Variants in CRYBG1 observed in about 807,000 individuals in gnomAD.
CRYBG1 encodes the protein crystallin beta-gamma domain containing 1.
In CRYBG1, 139 loss-of-function variants were observed where a neutral mutation model predicts 189.2. The observed-to-expected ratio is 0.73, with a 90% CI of 0.64 to 0.85. CRYBG1 has a LOEUF of 0.85. Among genes scored for constraint, CRYBG1 ranks in the 40% least tolerant of loss-of-function variants. The pLI, the probability that CRYBG1 is intolerant of heterozygous loss-of-function variation, is 0.00. For missense variants in CRYBG1, 2,611 were observed against 2,675.8 expected (o/e 0.98, Z 0.53); for synonymous variants, 1,023 against 1,017.1 (o/e 1.01, Z -0.11).
chr6:106,496,521 T>A (rs1346284880), intron 2 of CRYBG1, among the ~76,000 whole-genome samples: 1 of 145,250 alleles, frequency 6.9e-6, no homozygotes, highest in African/African-American at 2.5e-5. Context: ...ATTTTTTTTT[T>A]TAATCTAGGT....
chr6:106,452,025 C>T (rs1771791064), intron 2 of CRYBG1, among the ~76,000 whole-genome samples, 193 bp downstream of exon 2: 1 of 147,074 alleles, frequency 6.8e-6, no homozygotes, highest in Admixed American at 6.8e-5. Context: ...TTATATTTAA[C>T]AATATAATAA....
At chr6:106,407,960 A>T (rs1425174487) in intron 1 of CRYBG1, among the ~76,000 whole-genome samples, 1 of 152,222 alleles carries the variant, frequency 6.6e-6, no homozygotes, top group East Asian at 1.9e-4. Context: ...CACAATTAAA[A>T]GAACCAGAAA....
chr6:106,445,210 T>A (rs910404106), intron 1 of CRYBG1, among the ~76,000 whole-genome samples: 4 of 152,240 alleles, frequency 2.6e-5, no homozygotes, highest in African/African-American at 9.7e-5. Flanking sequence ...TGCTTTGTAT[T>A]TTAAAAACTC....
intron 9 of CRYBG1, among the ~76,000 whole-genome samples, chr6:106,540,697 T>G (rs1416686575): frequency 6.6e-6 from 1 of 152,122 alleles, no homozygotes; most frequent in Non-Finnish European, 1.5e-5. Context: ...TTCCTTTTTT[T>G]TTTTGCTTGT....
intron 18 of CRYBG1, among the ~76,000 whole-genome samples, chr6:106,558,826 C>T (rs903070524): frequency 5.9e-5 from 9 of 152,012 alleles, no homozygotes; most frequent in Non-Finnish European, 1.0e-4. Context: ...AGCCAGGTGT[C>T]GTGGCACATG....
intron 2 of CRYBG1, among the ~76,000 whole-genome samples, chr6:106,482,711 G>A (rs2114482244): frequency 6.6e-6 from 1 of 152,226 alleles, no homozygotes; most frequent in East Asian, 1.9e-4. Context: ...GGAGACAGAG[G>A]TTGCAGTGAG....
intron 1 of CRYBG1, among the ~76,000 whole-genome samples, chr6:106,439,586 G>C (rs2114418950): frequency 6.6e-6 from 1 of 152,244 alleles, no homozygotes; most frequent in East Asian, 1.9e-4. Flanking sequence ...TCTACCTGAT[G>C]AGATAACACT....
At chr6:106,511,385 C>A in intron 2 of CRYBG1, 45 bp from the exon 3 acceptor site, 12 of 1,459,222 alleles carry the variant, frequency 8.2e-6, no homozygotes, top group Non-Finnish European at 1.1e-5. Flanking sequence ...AGGGGAAAAA[C>A]ACCAGATTCT....
At chr6:106,388,571 A>C (rs1770436230) in intron 1 of CRYBG1, among the ~76,000 whole-genome samples, 1 of 152,250 alleles carries the variant, frequency 6.6e-6, no homozygotes, top group Non-Finnish European at 1.5e-5. Context: ...CATTTTAAGC[A>C]GGAGCCTCTT....
rs1205512942 is a variant in CRYBG1, at chr6:106,527,298, T to C, written c.4413-7T>C. On this transcript the variant is annotated splice_region_variant and splice_polypyrimidine_tract_variant and intron_variant, in intron 6 of 21. Transcript: ENST00000633556. Reference sequence around the variant, plus strand: ...TGACTAATGGTTTTGCTGTGTTTTATTGTTAGTTGGATTTTGTATGAGCAA... The same window carrying C: ...TGACTAATGGTTTTGCTGTGTTTTACTGTTAGTTGGATTTTGTATGAGCAA... 1 of 1,609,166 alleles carries C rather than the reference T, an allele frequency of 6.2e-7. No homozygotes were observed. Among genetic ancestry groups the C allele is most frequent in the African/African-American group, 1.3e-5 (1 of 74,790 alleles).
At chr6:106,446,367 G>A (rs981339421) in intron 1 of CRYBG1, among the ~76,000 whole-genome samples, 1 of 152,150 alleles carries the variant, frequency 6.6e-6, no homozygotes, top group African/African-American at 2.4e-5. Context: ...AGGTTCCCTT[G>A]AGGAAATAAT....
chr6:106,484,354 C>T lies in CRYBG1; in HGVS notation c.313-27076C>T, dbSNP rs538145793. On this transcript the variant is annotated intron_variant, in intron 2 of 21. Transcript: ENST00000633556. The stretch of plus-strand genomic sequence containing the variant: ...TGCCACCCAGGCTAGAGTGCAGTAG[C>T]GTGATCATAGCTCCCTGTAGCCTCA... Among the ~76,000 whole-genome samples, 5 of 152,246 alleles carry T rather than the reference C, an allele frequency of 3.3e-5. No homozygotes were observed. The East Asian group carries it at 5.8e-4, about 18-fold the overall frequency.
At chr6:106,472,909 T>TAAA (rs34714366) in intron 2 of CRYBG1, among the ~76,000 whole-genome samples, 17,692 of 136,988 alleles carry the variant, frequency 0.13, 1,303 homozygotes, top group South Asian at 0.25. Context: ...GTCTCAAAAT[T>TAAA]AAAAAAAAAA....
At chr6:106,542,715 G>C (rs1375246233) in intron 10 of CRYBG1, among the ~76,000 whole-genome samples, 1 of 150,522 alleles carries the variant, frequency 6.6e-6, no homozygotes, top group Non-Finnish European at 1.5e-5. Flanking sequence ...GCAGTGACGT[G>C]ATCTCAGCTC....
intron 1 of CRYBG1, among the ~76,000 whole-genome samples, chr6:106,409,406 A>T (rs28878807): frequency 6.6e-6 from 1 of 152,252 alleles, no homozygotes; most frequent in African/African-American, 2.4e-5. Flanking sequence ...TTCCACGCTC[A>T]TGGATAGGAA....
intron 2 of CRYBG1, 57 bp from the exon 3 acceptor site, chr6:106,511,373 T>G: frequency 7.0e-7 from 1 of 1,423,918 alleles, no homozygotes; most frequent in Non-Finnish European, 9.3e-7. Context: ...AATGTACGTC[T>G]AAGGGGAAAA....
At chr6:106,525,233 C>A (rs1267164944) in intron 5 of CRYBG1, 35 bp from the exon 6 acceptor site, 1 of 1,612,902 alleles carries the variant, frequency 6.2e-7, no homozygotes, top group Non-Finnish European at 8.5e-7. Context: ...TGACAGAGTA[C>A]AACAAAGTGT....
At chr6:106,430,805 C>T (rs1771311355) in intron 1 of CRYBG1, among the ~76,000 whole-genome samples, 1 of 152,128 alleles carries the variant, frequency 6.6e-6, no homozygotes, top group Non-Finnish European at 1.5e-5. Context: ...AATAACTATG[C>T]TTCAACATGA....
At chr6:106,382,225 A>G (rs147191602) in intron 1 of CRYBG1, among the ~76,000 whole-genome samples, 2 of 152,328 alleles carry the variant, frequency 1.3e-5, no homozygotes, top group Non-Finnish European at 2.9e-5. Context: ...ATTGCTGGCT[A>G]CATCTAGGAC....
Sources: allele counts gnomAD v4.1 joint callset (sites outside exome capture counted in the v4.1 genomes callset), GRCh38; gene constraint gnomAD v4.1.1; transcripts MANE v1.5; gene names NCBI Gene and HGNC (gene_info 2026-07-23, HGNC 2026-07-21).